MTUS2: variants seen among roughly 807,000 people sequenced by gnomAD.
MTUS2 encodes the protein microtubule-associated tumor suppressor candidate 2.
In MTUS2, 40 loss-of-function variants were observed where a neutral mutation model predicts 114.1. The observed-to-expected ratio is 0.35, with a 90% CI of 0.27 to 0.46. The LOEUF is 0.46. Among genes scored for constraint, MTUS2 ranks in the 20% least tolerant of loss-of-function variants. MTUS2 has a pLI of 1.00. For missense variants in MTUS2, 1,679 were observed against 1,705.4 expected (o/e 0.98, Z 0.27); for synonymous variants, 688 against 672.0 (o/e 1.02, Z -0.37).
At chr13:29,098,473 C>T (rs1459869896) in intron 4 of MTUS2, among the ~76,000 whole-genome samples, 10 of 97,212 alleles carry the variant, frequency 1.0e-4, no homozygotes, top group African/African-American at 1.7e-4. Context: ...CACACATGTG[C>T]GTGCATGCAC....
intron 5 of MTUS2, among the ~76,000 whole-genome samples, chr13:29,277,166 G>A (rs549099800): frequency 6.7e-4 from 102 of 152,280 alleles, no homozygotes; most frequent in African/African-American, 2.2e-3. Context: ...CCCCAGTGGA[G>A]TAGTGCTGCC....
intron 2 of MTUS2, among the ~76,000 whole-genome samples, chr13:28,973,753 A>G (rs1883961600): frequency 6.6e-6 from 1 of 152,222 alleles, no homozygotes; most frequent in African/African-American, 2.4e-5. Flanking sequence ...TCACAAGAAA[A>G]ATAAAGCATG....
chr13:29,000,685 C>T (rs190748623), intron 2 of MTUS2, among the ~76,000 whole-genome samples: 33 of 152,292 alleles, frequency 2.2e-4, no homozygotes, highest in Non-Finnish European at 4.3e-4. Context: ...TTTCTTTTAG[C>T]GCTTTAAATA....
At chr13:29,399,354 C>A (rs1874152802) in intron 8 of MTUS2, among the ~76,000 whole-genome samples, 1 of 152,186 alleles carries the variant, frequency 6.6e-6, no homozygotes, top group Admixed American at 6.5e-5. Context: ...CCTGTCTCAT[C>A]CTGTGACTTA....
intron 2 of MTUS2, among the ~76,000 whole-genome samples, chr13:28,869,299 A>G (rs1340258617): frequency 2.6e-5 from 4 of 152,226 alleles, no homozygotes; most frequent in Non-Finnish European, 5.9e-5. Context: ...CTCATTGTTC[A>G]AATGACTTCA....
chr13:29,188,925 A>G (rs1054280533), intron 5 of MTUS2, among the ~76,000 whole-genome samples: 8 of 152,168 alleles, frequency 5.3e-5, no homozygotes, highest in African/African-American at 1.9e-4. Context: ...TTCCTTGATC[A>G]ATCCCTAAAT....
rs565080513 is a variant in MTUS2 at position 28,849,332 on chromosome 13, G to A, written c.-243+9482G>A. ...AAATAAGACACCTGGATCTCTAAGA[G>A]GGAGAAGATAGAAAGTTATCAACTC... On this transcript the variant is annotated intron_variant, in intron 2 of 15. Transcript: ENST00000612955. 2.6e-5 allele frequency among the ~76,000 whole-genome samples: 4 copies of A among 152,296 alleles called. No homozygotes were observed. The East Asian group carries it at 7.7e-4, about 29-fold the overall frequency.
chr13:29,357,282 G>A (rs1330688713), intron 7 of MTUS2, among the ~76,000 whole-genome samples: 2 of 152,196 alleles, frequency 1.3e-5, no homozygotes, highest in East Asian at 1.9e-4. Context: ...ATGCGTGACA[G>A]TGTGAGCGCC....
intron 8 of MTUS2, among the ~76,000 whole-genome samples, chr13:29,388,073 T>C (rs560012215): frequency 6.6e-6 from 1 of 152,092 alleles, no homozygotes; most frequent in South Asian, 2.1e-4. Context: ...GCATGGCCCC[T>C]ACCCCCAGAG....
At chr13:29,482,942 G>A (rs1881305416) in intron 10 of MTUS2, among the ~76,000 whole-genome samples, 2 of 152,206 alleles carry the variant, frequency 1.3e-5, no homozygotes, top group South Asian at 4.1e-4. Flanking sequence ...AAGTGAGGAA[G>A]ATGAAATGCA....
chr13:29,005,762 A>C (rs1231367056), intron 2 of MTUS2, among the ~76,000 whole-genome samples: 2 of 152,216 alleles, frequency 1.3e-5, no homozygotes, highest in Non-Finnish European at 2.9e-5. Flanking sequence ...CCTCACAAAA[A>C]GTAACCTGGT....
At chr13:29,158,335 C>A (rs1363615427) in intron 5 of MTUS2, among the ~76,000 whole-genome samples, 3 of 125,274 alleles carry the variant, frequency 2.4e-5, no homozygotes, top group Non-Finnish European at 5.0e-5. Flanking sequence ...CCGCCCCCCA[C>A]CCCCCAACCC....
At chr13:29,447,182 C>T (rs1878345439) in intron 9 of MTUS2, among the ~76,000 whole-genome samples, 1 of 152,010 alleles carries the variant, frequency 6.6e-6, no homozygotes, top group South Asian at 2.1e-4. Context: ...GTATACTCAA[C>T]ATGTGTTTCC....
chr13:29,032,671 A>G (rs1056077045), intron 3 of MTUS2, among the ~76,000 whole-genome samples: 2 of 152,232 alleles, frequency 1.3e-5, no homozygotes, highest in African/African-American at 2.4e-5. Context: ...TTTTGTTTCT[A>G]CAATGTCAAT....
intron 8 of MTUS2, among the ~76,000 whole-genome samples, chr13:29,408,932 C>T (rs916621837): frequency 2.0e-5 from 3 of 152,188 alleles, no homozygotes; most frequent in Non-Finnish European, 4.4e-5. Context: ...AGAAACTCTT[C>T]TTTCTCCAAC....
chr13:29,312,262 C>G (rs1244292114), intron 6 of MTUS2, among the ~76,000 whole-genome samples: 1 of 152,168 alleles, frequency 6.6e-6, no homozygotes, highest in African/African-American at 2.4e-5. Flanking sequence ...TGGTGAATTC[C>G]TAGAGCTGAG....
intron 8 of MTUS2, among the ~76,000 whole-genome samples, chr13:29,364,329 G>A (rs963572392): frequency 2.0e-5 from 3 of 152,166 alleles, no homozygotes; most frequent in Admixed American, 6.5e-5. Context: ...GTATTGGGAC[G>A]AGAACACCCG....
intron 7 of MTUS2, among the ~76,000 whole-genome samples, chr13:29,346,005 A>G (rs2138146950): frequency 6.6e-6 from 1 of 152,302 alleles, no homozygotes; most frequent in East Asian, 1.9e-4. Flanking sequence ...CTCTGATGTC[A>G]TCTGTCTTCA....
intron 8 of MTUS2, among the ~76,000 whole-genome samples, chr13:29,376,982 A>C (rs1206110773): frequency 6.6e-6 from 1 of 152,106 alleles, no homozygotes; most frequent in Non-Finnish European, 1.5e-5. Context: ...CTATATTCAT[A>C]GAAGAAGAAG....
Sources: allele counts gnomAD v4.1 joint callset (sites outside exome capture counted in the v4.1 genomes callset), GRCh38; gene constraint gnomAD v4.1.1; transcripts MANE v1.5; gene names NCBI Gene and HGNC (gene_info 2026-07-23, HGNC 2026-07-21).